ZPBP: variants seen among roughly 807,000 people sequenced by gnomAD.
ZPBP encodes zona pellucida-binding protein 1.
A neutral mutation model predicts 44.8 loss-of-function variants in ZPBP; 26 were observed. That is an observed-to-expected ratio of 0.58 (90% CI 0.43 to 0.81). The LOEUF is 0.81. Among genes scored for constraint, ZPBP ranks in the 30% least tolerant of loss-of-function variants. The probability of loss-of-function intolerance (pLI) is 0.00; values close to 1 mark genes in which losing one functional copy is unlikely to be tolerated. For synonymous variants in ZPBP, 174 were observed against 153.2 expected (o/e 1.14, Z -1.00); for missense variants, 409 against 434.0 (o/e 0.94, Z 0.51).
chr7:50,023,423 A>AT (rs1189813138), intron 5 of ZPBP, among the ~76,000 whole-genome samples: 1 of 152,042 alleles, frequency 6.6e-6, no homozygotes. Context: ...CTCAAAGACC[A>AT]TAGGAAAGAC....
intron 7 of ZPBP, among the ~76,000 whole-genome samples, chr7:49,941,380 A>C (rs1006380491): frequency 6.6e-6 from 1 of 152,168 alleles, no homozygotes; most frequent in African/African-American, 2.4e-5. Flanking sequence ...ACAATGGCCA[A>C]AAGGTGGAAA....
chr7:49,875,707 T>C (rs1448624009), intron 2 of ZPBP, among the ~76,000 whole-genome samples: 3 of 152,134 alleles, frequency 2.0e-5, no homozygotes, highest in African/African-American at 4.8e-5. Context: ...TAACAGTGTC[T>C]GATGGAGTGG....
At chr7:50,006,953 G>C (rs962069943) in intron 6 of ZPBP, among the ~76,000 whole-genome samples, 1 of 151,928 alleles carries the variant, frequency 6.6e-6, no homozygotes, top group Admixed American at 6.6e-5. Flanking sequence ...TTCATATGTT[G>C]AAACTTAAAT....
chr7:50,093,185 A>T lies in ZPBP; in HGVS notation c.10T>A (p.Phe4Ile). 1 of 1,530,354 alleles carries T rather than the reference A, an allele frequency of 6.5e-7. No individual in the cohort carries two copies. Among genetic ancestry groups the T allele is most frequent in the East Asian group, 2.5e-5 (1 of 39,584 alleles). The allele number at this position is 1,530,354 out of a possible 1,614,324, so 94.8% of individuals were successfully genotyped here. ...CCCCGCCGCGCTGGGCCAAGGGCGA[A>T]GGCCTCCATCCACACGCCGCCGTCG... MEA[F>I]ALGPARRGRR... The change falls in exon 1 of 8, where the codon TTC becomes ATC. Residue 4 changes from phenylalanine (F) to isoleucine (I), a missense_variant. Phe to Ile is a conservative substitution (Grantham distance 21, BLOSUM62 0). Transcript: ENST00000046087.
intron 6 of ZPBP, among the ~76,000 whole-genome samples, chr7:49,993,859 T>C (rs1416600613): frequency 1.9e-5 from 1 of 53,858 alleles, no homozygotes; most frequent in African/African-American, 7.5e-5. Context: ...CATTGGGACA[T>C]GACTGGTAGC....
chr7:49,969,424 C>A (rs1796192203), intron 7 of ZPBP, among the ~76,000 whole-genome samples: 1 of 147,884 alleles, frequency 6.8e-6, no homozygotes, highest in African/African-American at 2.5e-5. Context: ...TTAATGATAT[C>A]ATAACCAATA....
At chr7:50,052,701 A>C (rs1369912913) in intron 4 of ZPBP, among the ~76,000 whole-genome samples, 1 of 152,216 alleles carries the variant, frequency 6.6e-6, no homozygotes, top group Non-Finnish European at 1.5e-5. Context: ...AGCAACCTAG[A>C]TATCTTTCAA....
intron 6 of ZPBP, among the ~76,000 whole-genome samples, chr7:50,017,677 TA>T (rs1584051459): frequency 6.6e-6 from 1 of 152,170 alleles, no homozygotes. Flanking sequence ...GTCAAACATT[TA>T]AAAATATTAC....
Position 50,059,630 on chromosome 7 carries a change from T to G in ZPBP, c.335-1489A>C, listed in dbSNP as rs568929034. ...ATGTAATAAAGGGTTCTCATGAAGTTTAAAGAAATTATAGAATATTACATC... is the reference window on the plus strand; with the variant it reads ...ATGTAATAAAGGGTTCTCATGAAGTGTAAAGAAATTATAGAATATTACATC... On this transcript the variant is annotated intron_variant, in intron 3 of 7. Coordinates refer to ENST00000046087, the MANE Select transcript of ZPBP (RefSeq NM_007009.3). Among the ~76,000 whole-genome samples the G allele has an allele frequency of 3.3e-5, 5 of 152,206 alleles. No homozygotes were observed. In the East Asian group the frequency reaches 9.7e-4, roughly 29 times the overall value.
At chr7:49,946,692 T>A (rs1332670468) in intron 7 of ZPBP, among the ~76,000 whole-genome samples, 1 of 152,118 alleles carries the variant, frequency 6.6e-6, no homozygotes, top group Non-Finnish European at 1.5e-5. Context: ...TGGGTTAAAG[T>A]TGCTTGGTGT....
chr7:49,891,874 G>T (rs937439063), intron 2 of ZPBP, among the ~76,000 whole-genome samples: 1 of 151,226 alleles, frequency 6.6e-6, no homozygotes, highest in Non-Finnish European at 1.5e-5. Context: ...TTCTGCTATT[G>T]ATAGATACTT....
chr7:50,023,538 C>G (rs940878284), intron 5 of ZPBP, among the ~76,000 whole-genome samples: 1 of 151,858 alleles, frequency 6.6e-6, no homozygotes, highest in Admixed American at 6.6e-5. Flanking sequence ...ACTAAAAGAA[C>G]TATTTAACTA....
intron 3 of ZPBP, among the ~76,000 whole-genome samples, chr7:50,078,652 G>GT (rs1379560146): frequency 3.3e-5 from 5 of 151,514 alleles, no homozygotes; most frequent in African/African-American, 1.2e-4. Flanking sequence ...CATAGGCACT[G>GT]GCAAAGCTTT....
chr7:49,932,122 C>A (rs1481134239), intron 1 of ZPBP, among the ~76,000 whole-genome samples: 1 of 152,210 alleles, frequency 6.6e-6, no homozygotes. Context: ...TCATGGAGAA[C>A]CTCTGCTAAG....
At position 50,046,663 on chromosome 7, in the gene ZPBP, A is replaced by T. The variant is rs188481602; in HGVS notation, c.487+11326T>A. 5.3e-5 allele frequency among the ~76,000 whole-genome samples: 8 copies of T among 152,210 alleles called. No homozygotes were observed. In the East Asian group the frequency reaches 1.5e-3, roughly 29 times the overall value. Reference sequence around the variant, plus strand: ...GGAAACAACAGATGCTGGAGAGGATATGGAGAAATAGGAACACTTTTACAC... The same window carrying T: ...GGAAACAACAGATGCTGGAGAGGATTTGGAGAAATAGGAACACTTTTACAC... On this transcript the variant is annotated intron_variant, in intron 4 of 7. Coordinates refer to ENST00000046087, the MANE Select transcript of ZPBP (RefSeq NM_007009.3).
chr7:50,048,617 A>C (rs1258062847), intron 4 of ZPBP, among the ~76,000 whole-genome samples: 1 of 152,144 alleles, frequency 6.6e-6, no homozygotes, highest in Non-Finnish European at 1.5e-5. Context: ...AAGATAAGTT[A>C]GAAATAATCT....
chr7:49,874,375 G>A (rs1379472074), intron 2 of ZPBP, among the ~76,000 whole-genome samples: 3 of 152,172 alleles, frequency 2.0e-5, no homozygotes, highest in African/African-American at 2.4e-5. Flanking sequence ...GGAACATGCC[G>A]TGCAGGTTTG....
downstream of ZPBP, among the ~76,000 whole-genome samples, chr7:49,847,889 A>G (rs1790009935): frequency 6.6e-6 from 1 of 152,066 alleles, no homozygotes; most frequent in Admixed American, 6.5e-5. Context: ...TCAACAAGAA[A>G]AGTGCACTCA....
intron 7 of ZPBP, among the ~76,000 whole-genome samples, chr7:49,966,697 A>G (rs1233765348): frequency 6.6e-6 from 1 of 152,212 alleles, no homozygotes; most frequent in Non-Finnish European, 1.5e-5. Context: ...GCAATGCTAG[A>G]CAGAATTTTT....
Sources: gnomAD v4.1 joint callset for allele counts (sites outside exome capture counted in the v4.1 genomes callset) on GRCh38, gnomAD v4.1.1 for gene constraint, MANE v1.5 for transcripts, NCBI Gene and HGNC (gene_info 2026-07-23, HGNC 2026-07-21) for gene names.